Variants in DUS2 observed in about 807,000 individuals in gnomAD.
The protein encoded by DUS2 is dihydrouridine synthase 2, also known as tRNA-dihydrouridine(20) synthase [NAD(P)+]-like.
A neutral mutation model predicts 71.3 loss-of-function variants in DUS2; 52 were observed. That is an observed-to-expected ratio of 0.73 (90% CI 0.58 to 0.92). The LOEUF is 0.92. Among genes scored for constraint, DUS2 ranks in the 40% least tolerant of loss-of-function variants. DUS2 has a pLI of 0.00. For synonymous variants in DUS2, 204 were observed against 227.8 expected, an observed-to-expected ratio of 0.90 and a Z score of 0.94; for missense variants, 558 against 622.6, an observed-to-expected ratio of 0.90 and a Z score of 1.10.
At chr16:68,048,008 C>T (rs762140234) in intron 3 of DUS2, among the ~76,000 whole-genome samples, 4 of 152,136 alleles carry the variant, frequency 2.6e-5, no homozygotes, top group Non-Finnish European at 4.4e-5. Flanking sequence ...GTCTTGAACT[C>T]CTGAGCTCAA....
At chr16:68,064,044 A>G (rs1303941506) in intron 8 of DUS2, among the ~76,000 whole-genome samples, 2 of 152,256 alleles carry the variant, frequency 1.3e-5, no homozygotes, top group East Asian at 1.9e-4. Context: ...ATGGCTGACA[A>G]TTGGCAGGGC....
chr16:68,036,426 GC>G (rs1411931682), intron 2 of DUS2, among the ~76,000 whole-genome samples: 1 of 151,356 alleles, frequency 6.6e-6, no homozygotes, highest in Admixed American at 6.6e-5. Context: ...CTCCCAAAGT[GC>G]TGGGATTACA....
At position 68,074,145 on chromosome 16, in the gene DUS2, C is replaced by G. The variant is rs772318250; in HGVS notation, c.922C>G (p.Arg308Gly). The change falls in exon 13 of 17, where the codon CGG (arginine) becomes GGG (glycine). Residue 308 changes from arginine (R) to glycine (G), a missense_variant. By Grantham distance (125) the Arg-to-Gly change is moderately radical (BLOSUM62 -2). Transcript: ENST00000565263. ...GTTGCTCCATGCTGCCCAGTCTTCC[C>G]GGGAAATTTGGTAAGAGGCACAATA... is the stretch of plus-strand genomic sequence containing the variant. ...GRLLHAAQSS[R>G]EICEAFGLGA... is the part of the protein sequence containing the mutation. 1 of 1,613,970 alleles carries G rather than the reference C, an allele frequency of 6.2e-7. No homozygotes were observed. The highest frequency in any genetic ancestry group is 8.5e-7 in the Non-Finnish European group (1 of 1,179,964).
chr16:68,031,813 G>A (rs2151409465), intron 2 of DUS2, among the ~76,000 whole-genome samples: 1 of 152,220 alleles, frequency 6.6e-6, no homozygotes, highest in Non-Finnish European at 1.5e-5. Flanking sequence ...TCCTGCTTCA[G>A]CCTCCCGAGT....
intron 11 of DUS2, 42 bp from the exon 12 acceptor site, chr16:68,070,898 T>C (rs2034074596): frequency 1.9e-6 from 3 of 1,600,408 alleles, no homozygotes. Flanking sequence ...TGCTGATAGG[T>C]TCCGTGATGG....
intron 3 of DUS2, among the ~76,000 whole-genome samples, chr16:68,046,134 G>A (rs894250135): frequency 2.0e-5 from 3 of 152,096 alleles, no homozygotes; most frequent in Admixed American, 6.6e-5. Flanking sequence ...GGCTTCTATT[G>A]ATCCTGTCAC....
chr16:68,073,699 T>C (rs1268579927), intron 12 of DUS2, among the ~76,000 whole-genome samples: 1 of 152,196 alleles, frequency 6.6e-6, no homozygotes. Context: ...TCCGCCCGCC[T>C]TGGCCTCCCA....
intron 8 of DUS2, among the ~76,000 whole-genome samples, chr16:68,061,339 C>T (rs1420297905): frequency 6.6e-6 from 1 of 152,200 alleles, no homozygotes; most frequent in East Asian, 1.9e-4. Flanking sequence ...AAGCCCAGAG[C>T]AAGAGACATG....
At chr16:68,044,477 C>A (rs1025264763) in intron 3 of DUS2, among the ~76,000 whole-genome samples, 4 of 150,882 alleles carry the variant, frequency 2.7e-5, no homozygotes, top group African/African-American at 9.8e-5. Flanking sequence ...CTCACTGCAA[C>A]CTATGCCTCC....
intron 3 of DUS2, among the ~76,000 whole-genome samples, chr16:68,048,958 T>C (rs779646575): frequency 3.9e-5 from 6 of 152,184 alleles, no homozygotes; most frequent in Non-Finnish European, 7.3e-5. Flanking sequence ...CCTTAGTCTG[T>C]TTGAGTATCT....
intron 7 of DUS2, among the ~76,000 whole-genome samples, chr16:68,058,227 CTT>C (rs112592553): frequency 9.3e-5 from 13 of 139,504 alleles, no homozygotes; most frequent in African/African-American, 1.1e-4. Flanking sequence ...TATCTTTGGG[CTT>C]TTTTTTTTTT....
At chr16:68,031,100 C>T (rs2033430531) in intron 2 of DUS2, among the ~76,000 whole-genome samples, 2 of 152,070 alleles carry the variant, frequency 1.3e-5, no homozygotes, top group African/African-American at 4.8e-5. Context: ...AGAATACTTG[C>T]CCAGTAATGG....
chr16:68,076,514 G>C, intron 14 of DUS2, 118 bp from the exon 15 acceptor site: 1 of 718,890 alleles, frequency 1.4e-6, no homozygotes, highest in Non-Finnish European at 2.4e-6. Flanking sequence ...TAAGGCAGCA[G>C]CTCGGTGTCT....
intron 6 of DUS2, 42 bp from the exon 7 acceptor site, chr16:68,056,322 T>C: frequency 1.3e-6 from 2 of 1,575,514 alleles, no homozygotes; most frequent in South Asian, 2.2e-5. Context: ...TTCTTTGCTC[T>C]AATTCAATAC....
At chr16:68,076,857 G>C in intron 15 of DUS2, 138 bp downstream of exon 15, 1 of 588,176 alleles carries the variant, frequency 1.7e-6, no homozygotes, top group Non-Finnish European at 2.9e-6. Context: ...CAGGTCAGTT[G>C]CTGATAGCCC....
At chr16:68,050,150 T>C (rs972020556) in intron 4 of DUS2, among the ~76,000 whole-genome samples, 1 of 152,148 alleles carries the variant, frequency 6.6e-6, no homozygotes, top group Non-Finnish European at 1.5e-5. Context: ...AAATCTTTTT[T>C]TTTTTGAGAC....
At chr16:68,074,303 C>T (rs1422294998) in intron 13 of DUS2, 148 bp downstream of exon 13, 2 of 1,079,226 alleles carry the variant, frequency 1.9e-6, no homozygotes, top group African/African-American at 3.2e-5. Flanking sequence ...CTTTGCCTCC[C>T]AGGAGGGGAT....
At chr16:68,060,616 T>A (rs905194014) in intron 7 of DUS2, among the ~76,000 whole-genome samples, 5 of 152,158 alleles carry the variant, frequency 3.3e-5, no homozygotes, top group African/African-American at 1.2e-4. Context: ...GCCCAGCCTA[T>A]ACATTTTAAA....
chr16:68,058,722 G>A (rs754560980), intron 7 of DUS2, among the ~76,000 whole-genome samples: 28 of 152,160 alleles, frequency 1.8e-4, no homozygotes, highest in Non-Finnish European at 3.4e-4. Context: ...ATTTCCTCTG[G>A]GGAAGGAAAC....
Sources: allele counts gnomAD v4.1 joint callset (sites outside exome capture counted in the v4.1 genomes callset), GRCh38; gene constraint gnomAD v4.1.1; transcripts MANE v1.5; gene names NCBI Gene and HGNC (gene_info 2026-07-23, HGNC 2026-07-21).